PTPRD: variants seen among roughly 807,000 people sequenced by gnomAD.
The protein encoded by PTPRD is receptor-type tyrosine-protein phosphatase delta.
Under a neutral mutation model 214.5 loss-of-function variants are expected in PTPRD, and 34 were observed. The observed-to-expected ratio is 0.16, with a 90% CI of 0.12 to 0.21. PTPRD has a LOEUF of 0.21. Ranked by LOEUF, PTPRD falls within the 10% of genes least tolerant of loss-of-function variation. The pLI is 1.00. For missense variants in PTPRD, 2,545 were observed against 2,398.7 expected, an observed-to-expected ratio of 1.06 and a Z score of -1.27; for synonymous variants, 1,128 against 845.7, an observed-to-expected ratio of 1.33 and a Z score of -5.79.
At chr9:9,639,352 C>T (rs138943287) in intron 7 of PTPRD, among the ~76,000 whole-genome samples, 2,141 of 152,212 alleles carry the variant, frequency 0.014, 28 homozygotes, top group Middle Eastern at 0.027. Context: ...CAGATGAATA[C>T]CAAACATTTT....
At chr9:10,056,555 A>G (rs914651412) in intron 3 of PTPRD, among the ~76,000 whole-genome samples, 1 of 152,140 alleles carries the variant, frequency 6.6e-6, no homozygotes, top group African/African-American at 2.4e-5. Flanking sequence ...TGTTTTTAAT[A>G]GTAAGTCAGT....
In PTPRD at chr9:8,580,591, A is replaced by G. The variant is rs555454007; in HGVS notation, c.353-51812T>C. 2.6e-5 allele frequency among the ~76,000 whole-genome samples: 4 copies of G among 152,320 alleles called. No individual in the cohort carries two copies. In the South Asian group the frequency reaches 8.3e-4, roughly 32 times the overall value. On this transcript the variant is annotated intron_variant, in intron 14 of 45. Transcript: ENST00000381196. Reference sequence around the variant, plus strand: ...GGGAAGTCTTTGACAGGTTAATTAAAAAGACTTAAACTTGAGGTGTTGTAT... The same window carrying G: ...GGGAAGTCTTTGACAGGTTAATTAAGAAGACTTAAACTTGAGGTGTTGTAT...
intron 34 of PTPRD, among the ~76,000 whole-genome samples, chr9:8,446,351 A>G (rs2095724457): frequency 6.6e-6 from 1 of 152,258 alleles, no homozygotes; most frequent in South Asian, 2.1e-4. Flanking sequence ...ATGTAAATCA[A>G]TCTTTCATTC....
At chr9:8,634,987 A>T (rs1054371579) in intron 13 of PTPRD, among the ~76,000 whole-genome samples, 2 of 150,720 alleles carry the variant, frequency 1.3e-5, no homozygotes, top group African/African-American at 4.9e-5. Flanking sequence ...GAGCAAAAAC[A>T]GTCAACATGT....
At chr9:9,628,582 G>C (rs926920154) in intron 7 of PTPRD, among the ~76,000 whole-genome samples, 5 of 151,946 alleles carry the variant, frequency 3.3e-5, no homozygotes, top group African/African-American at 4.8e-5. Context: ...TTATTCCAAA[G>C]ATATTTCAGA....
chr9:9,867,163 T>G (rs72692717), intron 5 of PTPRD, among the ~76,000 whole-genome samples: 2,918 of 152,262 alleles, frequency 0.019, 32 homozygotes, highest in Middle Eastern at 0.044. Flanking sequence ...TCCCTAAAGC[T>G]TAACTGGTAA....
chr9:9,659,550 T>C (rs1016610155), intron 7 of PTPRD, among the ~76,000 whole-genome samples: 2 of 152,004 alleles, frequency 1.3e-5, no homozygotes, highest in African/African-American at 4.8e-5. Context: ...CCCCTGGGCA[T>C]TCCAAAGTTG....
intron 9 of PTPRD, among the ~76,000 whole-genome samples, chr9:9,361,601 T>C (rs115219061): frequency 6.6e-5 from 10 of 151,162 alleles, no homozygotes; most frequent in African/African-American, 9.7e-5. Context: ...ATCAGTGTAA[T>C]TGGGATATCC....
intron 7 of PTPRD, among the ~76,000 whole-genome samples, chr9:9,683,822 A>G (rs544387717): frequency 6.6e-6 from 1 of 151,936 alleles, no homozygotes; most frequent in Admixed American, 6.6e-5. Flanking sequence ...TAACGAATTG[A>G]TATTTATAAT....
At chr9:9,844,227 A>AT (rs1225915096) in intron 5 of PTPRD, among the ~76,000 whole-genome samples, 2 of 152,002 alleles carry the variant, frequency 1.3e-5, no homozygotes, top group African/African-American at 4.8e-5. Flanking sequence ...TTCAAGTTTA[A>AT]TGTGATTTTT....
At chr9:9,418,040 A>G (rs1273430459) in intron 8 of PTPRD, among the ~76,000 whole-genome samples, 1 of 152,026 alleles carries the variant, frequency 6.6e-6, no homozygotes, top group Non-Finnish European at 1.5e-5. Context: ...TTCTCTATGA[A>G]ATGTTCTGAG....
chr9:10,382,077 T>C (rs7861420), intron 2 of PTPRD, among the ~76,000 whole-genome samples: 93,380 of 151,604 alleles, frequency 0.62, 30,033 homozygotes, highest in Non-Finnish European at 0.72. Flanking sequence ...ATGTCTGCAA[T>C]TCACTGTCAT....
At chr9:8,683,111 G>A (rs1330119099) in intron 12 of PTPRD, among the ~76,000 whole-genome samples, 1 of 152,172 alleles carries the variant, frequency 6.6e-6, no homozygotes, top group Non-Finnish European at 1.5e-5. Flanking sequence ...TAAAAAAAGA[G>A]CAGCAGGCTT....
At chr9:10,392,684 C>G (rs190958038) in intron 2 of PTPRD, among the ~76,000 whole-genome samples, 1 of 151,702 alleles carries the variant, frequency 6.6e-6, no homozygotes, top group African/African-American at 2.4e-5. Flanking sequence ...GAAGAGAATT[C>G]GGAATTCTGC....
chr9:9,552,524 C>T (rs2080544208), intron 8 of PTPRD, among the ~76,000 whole-genome samples: 2 of 151,944 alleles, frequency 1.3e-5, no homozygotes, highest in Admixed American at 1.3e-4. Context: ...ATGAATTGTG[C>T]CAATTTTTAG....
At chr9:8,978,178 T>C (rs1000241928) in intron 11 of PTPRD, among the ~76,000 whole-genome samples, 4 of 152,108 alleles carry the variant, frequency 2.6e-5, no homozygotes, top group Non-Finnish European at 5.9e-5. Flanking sequence ...GGGAGGTCCT[T>C]GCCATTCCCA....
intron 36 of PTPRD, among the ~76,000 whole-genome samples, chr9:8,394,025 A>T (rs1210231086): frequency 6.6e-6 from 1 of 152,154 alleles, no homozygotes; most frequent in African/African-American, 2.4e-5. Flanking sequence ...ATGCACAACA[A>T]GCCATAGCAA....
intron 5 of PTPRD, among the ~76,000 whole-genome samples, chr9:9,930,850 C>T (rs2086243605): frequency 2.0e-5 from 3 of 152,022 alleles, no homozygotes; most frequent in Admixed American, 2.0e-4. Flanking sequence ...AAGCACATTT[C>T]TGTATGGTTA....
intron 4 of PTPRD, among the ~76,000 whole-genome samples, chr9:9,975,102 T>A (rs1272887979): frequency 6.8e-6 from 1 of 148,094 alleles, no homozygotes; most frequent in Non-Finnish European, 1.5e-5. Context: ...CCGTTAGCAC[T>A]GTCTTTCTGT....
Sources: allele counts gnomAD v4.1 joint callset (sites outside exome capture counted in the v4.1 genomes callset), GRCh38; gene constraint gnomAD v4.1.1; transcripts MANE v1.5; gene names NCBI Gene and HGNC (gene_info 2026-07-23, HGNC 2026-07-21).